The following RAP1GAP2 variants were observed in gnomAD, a reference collection of about 807,000 sequenced individuals.
RAP1GAP2 encodes rap1 GTPase-activating protein 2.
A neutral mutation model predicts 95.0 loss-of-function variants in RAP1GAP2; 27 were observed. That is an observed-to-expected ratio of 0.28 (90% CI 0.21 to 0.39). RAP1GAP2 has a LOEUF of 0.39. RAP1GAP2 is among the 10% of genes least tolerant of loss of function. The probability of loss-of-function intolerance (pLI) is 1.00; values close to 1 mark genes in which losing one functional copy is unlikely to be tolerated. For synonymous variants in RAP1GAP2, 373 were observed against 380.9 expected (o/e 0.98, Z 0.24); for missense variants, 771 against 970.0 (o/e 0.79, Z 2.72).
upstream of RAP1GAP2, among the ~76,000 whole-genome samples, chr17:2,776,514 G>T (rs2068502393): frequency 6.6e-6 from 1 of 152,076 alleles, no homozygotes; most frequent in Non-Finnish European, 1.5e-5. Context: ...CTCAGGACCC[G>T]CTGTACCCCC....
chr17:2,980,312 C>A lies in RAP1GAP2; in HGVS notation c.622C>A (p.Arg208=). Residue 208 remains arginine (R), a synonymous_variant, in exon 9 of 25, where the codon CGG becomes AGG. Transcript: ENST00000254695. Reference sequence around the variant, plus strand: ...GTCCAAACTGAAGACGGTACATGAGCGGATCCCCTTGGCTGGACTGAGCAA... The same window carrying A: ...GTCCAAACTGAAGACGGTACATGAGAGGATCCCCTTGGCTGGACTGAGCAA... ...LRSKLKTVHE[R]IPLAGLSKLP... 1 of 1,613,878 alleles carries A rather than the reference C, an allele frequency of 6.2e-7. No homozygotes were observed. Among genetic ancestry groups the A allele is most frequent in the East Asian group, 2.2e-5 (1 of 44,842 alleles).
chr17:2,949,705 C>T (rs1232560213), intron 3 of RAP1GAP2, among the ~76,000 whole-genome samples: 1 of 152,224 alleles, frequency 6.6e-6, no homozygotes, highest in Non-Finnish European at 1.5e-5. Flanking sequence ...CTGCTATGTG[C>T]CCTTGGCTGT....
intron 7 of RAP1GAP2, chr17:2,964,801 A>T (rs2044518604): frequency 6.6e-6 from 1 of 152,358 alleles, no homozygotes; most frequent in Admixed American, 6.5e-5. Flanking sequence ...GACAAAGTTA[A>T]ATTTAAAAGA....
chr17:3,016,215 CT>C (rs1323196956), intron 17 of RAP1GAP2, among the ~76,000 whole-genome samples: 1 of 152,206 alleles, frequency 6.6e-6, no homozygotes, highest in Non-Finnish European at 1.5e-5. Flanking sequence ...TGACAAAACA[CT>C]GCTGACATGT....
chr17:2,999,618 G>A (rs752247382), intron 14 of RAP1GAP2, among the ~76,000 whole-genome samples: 7 of 152,044 alleles, frequency 4.6e-5, no homozygotes, highest in Non-Finnish European at 8.8e-5. Context: ...CAAAATTCAC[G>A]TCAGCTTTTA....
chr17:2,913,894 G>A (rs1337794563), intron 3 of RAP1GAP2, among the ~76,000 whole-genome samples: 5 of 150,072 alleles, frequency 3.3e-5, no homozygotes, highest in Admixed American at 6.7e-5. Context: ...TTTTTGAGGT[G>A]GAGTCTCGCT....
At chr17:2,886,161 G>GTATA (rs1555561392) in intron 2 of RAP1GAP2, among the ~76,000 whole-genome samples, 24 of 124,672 alleles carry the variant, frequency 1.9e-4, no homozygotes, top group Admixed American at 7.8e-4. Flanking sequence ...GTGTGTGTGT[G>GTATA]TATATATATA....
chr17:2,853,825 G>A (rs2151600803), intron 2 of RAP1GAP2: 1 of 681,694 alleles, frequency 1.5e-6, no homozygotes, highest in Non-Finnish European at 1.8e-6. Context: ...CCGGGAGGGA[G>A]GGGAGAGCGC....
chr17:2,801,594 GGTATGTGTGTGT>G (rs1394333394), intron 2 of RAP1GAP2, among the ~76,000 whole-genome samples: 2,283 of 126,022 alleles, frequency 0.018, 74 homozygotes, highest in African/African-American at 0.063. Context: ...AACACTCCAG[GGTATGTGTGTGT>G]GTGTGTGTGT....
chr17:2,884,114 G>A (rs2073399970), intron 2 of RAP1GAP2, among the ~76,000 whole-genome samples: 1 of 152,154 alleles, frequency 6.6e-6, no homozygotes, highest in African/African-American at 2.4e-5. Context: ...TGGGGCACAG[G>A]GTGTGGTCTC....
At chr17:2,956,035 C>G (rs1015636163) in intron 3 of RAP1GAP2, among the ~76,000 whole-genome samples, 2 of 152,168 alleles carry the variant, frequency 1.3e-5, no homozygotes, top group African/African-American at 4.8e-5. Flanking sequence ...ATGTTGATTG[C>G]TTCTGTTGCA....
chr17:2,897,752 T>G (rs556444266), intron 2 of RAP1GAP2, among the ~76,000 whole-genome samples: 1 of 152,132 alleles, frequency 6.6e-6, no homozygotes, highest in Non-Finnish European at 1.5e-5. Context: ...AGAGGCTCAC[T>G]GTGGGGTTTG....
At chr17:2,873,096 TTGTC>T (rs991070838) in intron 2 of RAP1GAP2, among the ~76,000 whole-genome samples, 1 of 144,946 alleles carries the variant, frequency 6.9e-6, no homozygotes, top group Non-Finnish European at 1.5e-5. Context: ...GACTGAGACT[TTGTC>T]TGAAAAAAAA....
chr17:2,948,964 T>C (rs886842758), intron 3 of RAP1GAP2, among the ~76,000 whole-genome samples: 2 of 152,204 alleles, frequency 1.3e-5, no homozygotes, highest in Admixed American at 6.5e-5. Flanking sequence ...TTCCCAAGCC[T>C]AAATTACTCC....
chr17:2,816,130 G>C (rs997719740), intron 2 of RAP1GAP2, among the ~76,000 whole-genome samples: 1 of 152,154 alleles, frequency 6.6e-6, no homozygotes, highest in African/African-American at 2.4e-5. Flanking sequence ...AAAAATAGGC[G>C]GGGGAGGGAA....
Position 3,030,458 on chromosome 17 carries a change from C to T in RAP1GAP2, c.2108-464C>T, listed in dbSNP as rs1014665126. ...ATCAAGTCATGATTTGTAGCATGTACCAGTTTCTGTGGTGTAAATACACTT... is the reference window on the plus strand; with the variant it reads ...ATCAAGTCATGATTTGTAGCATGTATCAGTTTCTGTGGTGTAAATACACTT... On this transcript the variant is annotated intron_variant, in intron 22 of 24. Coordinates refer to ENST00000254695, the MANE Select transcript of RAP1GAP2 (RefSeq NM_015085.5). Among the ~76,000 whole-genome samples, 5 of 152,218 alleles carry T rather than the reference C, an allele frequency of 3.3e-5. No homozygotes were observed. In the East Asian group the frequency reaches 7.7e-4, roughly 23 times the overall value.
At chr17:2,849,254 C>T (rs1220623186) in intron 2 of RAP1GAP2, among the ~76,000 whole-genome samples, 1 of 152,206 alleles carries the variant, frequency 6.6e-6, no homozygotes, top group Non-Finnish European at 1.5e-5. Flanking sequence ...GCCCCACCCT[C>T]CTTGCTCCAT....
intron 2 of RAP1GAP2, among the ~76,000 whole-genome samples, chr17:2,863,645 T>C (rs1385766841): frequency 2.6e-5 from 4 of 152,204 alleles, no homozygotes; most frequent in African/African-American, 9.6e-5. Context: ...GGCACTGTGA[T>C]GATACCTGTT....
At position 2,902,803 on chromosome 17, in the gene RAP1GAP2, G is replaced by A. The variant is rs1176491621; in HGVS notation, c.81-2481G>A. Among the ~76,000 whole-genome samples, 1 of 152,170 alleles carries A rather than the reference G, an allele frequency of 6.6e-6. No homozygotes were observed. The highest frequency in any genetic ancestry group is 1.5e-5 in the Non-Finnish European group (1 of 68,032). ...CCCAGGAGCTTATCCAGCATCCAGG[G>A]GGAAAAGGCAGGGGAGAGGGGCTCA... is the stretch of plus-strand genomic sequence containing the variant. On this transcript the variant is annotated intron_variant, in intron 2 of 24. Coordinates refer to ENST00000254695, the MANE Select transcript of RAP1GAP2 (RefSeq NM_015085.5). The surrounding 1 kb of genome is among the most constrained non-coding windows in gnomAD (Gnocchi z 4.1).
Sources: allele counts gnomAD v4.1 joint callset (sites outside exome capture counted in the v4.1 genomes callset), GRCh38; gene constraint gnomAD v4.1.1; non-coding constraint Gnocchi (gnomAD v3.1); transcripts MANE v1.5; gene names NCBI Gene and HGNC (gene_info 2026-07-23, HGNC 2026-07-21).